The following BTNL2 variants were observed in gnomAD, a reference collection of about 807,000 sequenced individuals.
The protein encoded by BTNL2 is butyrophilin-like protein 2.
In BTNL2, 46 loss-of-function variants were observed where a neutral mutation model predicts 46.8. The ratio of observed to expected loss-of-function variants is 0.98; its 90% CI spans 0.78 to 1.26. The LOEUF is 1.26. Ranked by LOEUF, BTNL2 falls within the 50% of genes most tolerant of loss-of-function variation. BTNL2 has a pLI of 0.00. For missense variants in BTNL2, 461 were observed against 592.6 expected (o/e 0.78, Z 2.31); for synonymous variants, 226 against 229.1 (o/e 0.99, Z 0.12).
chr6:32,394,014 T>A lies in BTNL2; in HGVS notation c.1404A>T (p.Gly468=). Residue 468 remains glycine, a synonymous_variant, in exon 7 of 8, where the codon GGA becomes GGT. Coordinates refer to ENST00000454136, the MANE Select transcript of BTNL2 (RefSeq NM_001304561.2). The surrounding 1 kb of genome is among the most constrained non-coding windows in gnomAD (Gnocchi z 4.6). ...TFLWKTLLVW[G]LLLAVAVGLP... is the part of the protein sequence containing the mutation. ...GGCCTACAGCCACAGCAAGAAGCAATCCCCAAACAAGCAGTGTTTTCCACA... is the reference window on the plus strand; with the variant it reads ...GGCCTACAGCCACAGCAAGAAGCAAACCCCAAACAAGCAGTGTTTTCCACA... 1.3e-6 allele frequency: 2 copies of A among 1,550,122 alleles called. No homozygotes were observed. The highest frequency in any genetic ancestry group is 1.7e-6 in the Non-Finnish European group (2 of 1,146,746).
chr6:32,398,093 T>C (rs907585557), intron 4 of BTNL2, among the ~76,000 whole-genome samples: 1 of 152,252 alleles, frequency 6.6e-6, no homozygotes, highest in Non-Finnish European at 1.5e-5. Context: ...AGATGTTCTC[T>C]GAGGGCTTTC....
chr6:32,395,935 A>G (rs2076531), intron 5 of BTNL2, 104 bp downstream of exon 5: 16,240 of 897,888 alleles, frequency 0.018, 903 homozygotes, highest in East Asian at 0.16. Context: ...GATGATGAAT[A>G]AGCATTAAGA....
intron 4 of BTNL2, 94 bp downstream of exon 4, chr6:32,401,691 C>A: frequency 8.0e-7 from 1 of 1,251,484 alleles, no homozygotes; most frequent in Non-Finnish European, 1.1e-6. Flanking sequence ...CTCAGTTTTT[C>A]CTCTGGGTCA....
intron 2 of BTNL2, among the ~76,000 whole-genome samples, chr6:32,403,495 T>C (rs2150320594): frequency 6.6e-6 from 1 of 152,346 alleles, no homozygotes. Flanking sequence ...GCAACGCCTC[T>C]AGCACTGCAA....
At position 32,396,720 on chromosome 6, in the gene BTNL2, T is replaced by A. The variant is rs1388119224; in HGVS notation, c.731-334A>T. On this transcript the variant is annotated intron_variant, in intron 4 of 7. Coordinates refer to ENST00000454136, the MANE Select transcript of BTNL2 (RefSeq NM_001304561.2). The surrounding 1 kb of genome is among the most constrained non-coding windows in gnomAD (Gnocchi z 4.4). ...GATAGGCTGGGTGTGGTGGCTCAAG[T>A]CTATAATCCCAGCACTTTGGGAGGC... Among the ~76,000 whole-genome samples the A allele has an allele frequency of 6.6e-6, 1 of 152,040 alleles. No individual in the cohort carries two copies. Among genetic ancestry groups the A allele is most frequent in the Non-Finnish European group, 1.5e-5 (1 of 68,002 alleles).
Position 32,396,952 on chromosome 6 carries a change from G to C in BTNL2, c.731-566C>G, listed in dbSNP as rs1053704994. On this transcript the variant is annotated intron_variant, in intron 4 of 7. Transcript: ENST00000454136. This position sits in a 1 kb window ranked among gnomAD's most constrained non-coding sequence, Gnocchi z 4.4. Reference sequence around the variant, plus strand: ...CTGAGATCATGCCACTGCACTCCAGGCTGGGTGACAAAGCGAGACTTTAAA... The same window carrying C: ...CTGAGATCATGCCACTGCACTCCAGCCTGGGTGACAAAGCGAGACTTTAAA... Among the ~76,000 whole-genome samples the C allele has an allele frequency of 2.0e-5, 3 of 151,114 alleles. No individual in the cohort carries two copies. The highest frequency in any genetic ancestry group is 4.8e-5 in the African/African-American group (2 of 41,390).
chr6:32,402,878 TC>T, intron 3 of BTNL2, 56 bp downstream of exon 3: 4 of 1,560,728 alleles, frequency 2.6e-6, no homozygotes, highest in Non-Finnish European at 3.5e-6. Context: ...TATGGTGCAG[TC>T]CCTGGGACCT....
Position 32,396,080 on chromosome 6 carries a change from T to A in BTNL2, c.1037A>T (p.Asp346Val), listed in dbSNP as rs761761520. ...DGQYRCLFEK[D>V]DVYQEASLDL... Reference sequence around the variant, plus strand: ...CAAACTGGCCTCCTGGTAGACATCATCTTTTTCAAAAAGGCAGCGGTACTG... The same window carrying A: ...CAAACTGGCCTCCTGGTAGACATCAACTTTTTCAAAAAGGCAGCGGTACTG... The change falls in exon 5 of 8, where the codon GAT (aspartate) becomes GTT (valine). Residue 346 changes from aspartate (D) to valine (V), a missense_variant. Asp to Val is a radical substitution (Grantham distance 152). Coordinates refer to ENST00000454136, the MANE Select transcript of BTNL2 (RefSeq NM_001304561.2). The surrounding 1 kb of genome is among the most constrained non-coding windows in gnomAD (Gnocchi z 4.4). The A allele has an allele frequency of 1.2e-6, 2 of 1,613,080 alleles. No homozygotes were observed. Among genetic ancestry groups the A allele is most frequent in the Middle Eastern group, 1.6e-4 (1 of 6,062 alleles).
chr6:32,394,954 C>T lies in BTNL2; in HGVS notation c.1150G>A (p.Asp384Asn), dbSNP rs756311239. The change falls in exon 6 of 8, where the codon GAT becomes AAT. Residue 384 changes from aspartate (D) to asparagine (N), a missense_variant. Asp to Asn is a conservative substitution (Grantham distance 23). Coordinates refer to ENST00000454136, the MANE Select transcript of BTNL2 (RefSeq NM_001304561.2). This position sits in a 1 kb window ranked among gnomAD's most constrained non-coding sequence, Gnocchi z 4.6. Reference sequence around the variant, plus strand: ...ACGTGGGGCTGTGGGAACCACCCATCTGAAGAGCACATCGGCTGCATTTCT... The same window carrying T: ...ACGTGGGGCTGTGGGAACCACCCATTTGAAGAGCACATCGGCTGCATTTCT... ...DGEMQPMCSS[D>N]GWFPQPHVPW... The T allele has an allele frequency of 4.3e-6, 7 of 1,614,104 alleles. No homozygotes were observed. In the East Asian group the frequency reaches 1.6e-4, roughly 36 times the overall value.
chr6:32,399,056 G>A lies in BTNL2; in HGVS notation c.731-2670C>T, dbSNP rs117537769. ...CAGGTGTTAAGCCCAGCATCCATTAGCTGTTCTTCCTGATGCTCTCCCTCC... is the reference window on the plus strand; with the variant it reads ...CAGGTGTTAAGCCCAGCATCCATTAACTGTTCTTCCTGATGCTCTCCCTCC... On this transcript the variant is annotated intron_variant, in intron 4 of 7. Transcript: ENST00000454136. The surrounding 1 kb of genome is among the most constrained non-coding windows in gnomAD (Gnocchi z 5.2). Among the ~76,000 whole-genome samples the A allele has an allele frequency of 0.016, 2,502 of 152,014 alleles. 76 individuals are homozygous for A. Among genetic ancestry groups the A allele is most frequent in the East Asian group, 0.1 (520 of 5,118 alleles).
In BTNL2 at chr6:32,396,341, ACT is replaced by A. The variant is rs769143380; in HGVS notation, c.774_775del (p.Arg258SerfsTer59). On this transcript the variant is annotated frameshift_variant, in exon 5 of 8. Transcript: ENST00000454136. LOFTEE classifies it high-confidence loss of function. The surrounding 1 kb of genome is among the most constrained non-coding windows in gnomAD (Gnocchi z 4.4). ...ACAGGTTAGCTGTATATCTTCTCCC[ACT>A]CTGACGAGGATGGGCTGGGAAGGTC... The A allele has an allele frequency of 2.5e-6, 4 of 1,612,638 alleles. No individual in the cohort carries two copies. The highest frequency in any genetic ancestry group is 3.4e-6 in the Non-Finnish European group (4 of 1,179,726).
Position 32,407,179 on chromosome 6 carries a change from C to G in BTNL2, c.-56G>C. On this transcript the variant is annotated 5_prime_UTR_variant, in exon 1 of 8. Coordinates refer to ENST00000454136, the MANE Select transcript of BTNL2 (RefSeq NM_001304561.2). The stretch of plus-strand genomic sequence containing the variant: ...TGCCTAAGTGAGGCTGTGACACACC[C>G]GGCACACTCCATGGCTTCCATTGGT... 1 of 1,427,662 alleles carries G rather than the reference C, an allele frequency of 7.0e-7. No homozygotes were observed. The highest frequency in any genetic ancestry group is 9.9e-7 in the Non-Finnish European group (1 of 1,012,346). The allele number at this position is 1,427,662 out of a possible 1,614,324, so 88.4% of individuals were successfully genotyped here. A position where few individuals can be genotyped will look rare whatever the true frequency, so the allele number is the denominator to read the frequency against.
intron 3 of BTNL2, among the ~76,000 whole-genome samples, chr6:32,402,098 TC>T (rs1776821469): frequency 6.6e-6 from 1 of 152,218 alleles, no homozygotes; most frequent in African/African-American, 2.4e-5. Flanking sequence ...TAACATATGT[TC>T]CTTTTATAGA....
chr6:32,395,026 C>A lies in BTNL2; in HGVS notation c.1079-1G>T. 6.4e-7 allele frequency: 1 copy of A among 1,557,096 alleles called. No individual in the cohort carries two copies. Among genetic ancestry groups the A allele is most frequent in the Non-Finnish European group, 8.7e-7 (1 of 1,150,132 alleles). ...GTGATCAGTGGGGAAGAACCCAGAC[C>A]TGGGGCAGAGAAAGCAACCAAAGCC... On this transcript the variant is annotated splice_acceptor_variant, in intron 5 of 7. Transcript: ENST00000454136. LOFTEE classifies it high-confidence loss of function.
At position 32,401,065 on chromosome 6, in the gene BTNL2, G is replaced by C. The variant is rs189908927; in HGVS notation, c.730+720C>G. 6.1e-5 allele frequency among the ~76,000 whole-genome samples: 9 copies of C among 146,450 alleles called. 1 individual carries two copies. In the East Asian group the frequency reaches 1.5e-3, roughly 24 times the overall value. On this transcript the variant is annotated intron_variant, in intron 4 of 7. Transcript: ENST00000454136. ...CTACTAAAAATACAAAAAATTAGCC[G>C]GGCGTGGTGGCGGTTGCCTGTAGTC...
At chr6:32,406,777 G>GC (rs1777179022) in intron 1 of BTNL2, 1 of 275,716 alleles carries the variant, frequency 3.6e-6, no homozygotes, top group Non-Finnish European at 6.9e-6. Flanking sequence ...GCCTGTGCTG[G>GC]CCTCTGAGAT....
intron 4 of BTNL2, among the ~76,000 whole-genome samples, chr6:32,400,793 G>A (rs1364589879): frequency 6.3e-5 from 9 of 143,274 alleles, no homozygotes; most frequent in African/African-American, 2.3e-4. Context: ...CATGCCTGTA[G>A]TCCCAGTTAC....
At chr6:32,398,565 G>T (rs117293816) in intron 4 of BTNL2, among the ~76,000 whole-genome samples, 2,669 of 152,210 alleles carry the variant, frequency 0.018, 78 homozygotes, top group East Asian at 0.11. Context: ...CATCCACATG[G>T]CTTACGGTAA....
intron 1 of BTNL2, among the ~76,000 whole-genome samples, chr6:32,405,885 A>G (rs948213769): frequency 1.5e-4 from 22 of 151,478 alleles, no homozygotes; most frequent in Admixed American, 2.6e-4. Context: ...ACTATGTACA[A>G]TGCAGTTTTC....
Sources: allele counts gnomAD v4.1 joint callset (sites outside exome capture counted in the v4.1 genomes callset), GRCh38; gene constraint gnomAD v4.1.1; non-coding constraint Gnocchi (gnomAD v3.1); transcripts MANE v1.5; gene names NCBI Gene and HGNC (gene_info 2026-07-23, HGNC 2026-07-21).